RGS6: variants seen among roughly 807,000 people sequenced by gnomAD.
RGS6 encodes regulator of G-protein signaling 6.
In RGS6, 30 loss-of-function variants were observed where a neutral mutation model predicts 78.5. The observed-to-expected ratio is 0.38, with a 90% CI of 0.29 to 0.52. The LOEUF (loss-of-function observed/expected upper bound fraction) is 0.52, where lower values mean the gene tolerates loss of function less well. Ranked by LOEUF, RGS6 falls within the 20% of genes least tolerant of loss-of-function variation. RGS6 has a pLI of 0.85. For synonymous variants in RGS6, 206 were observed against 206.0 expected (o/e 1.00, Z 0.00); for missense variants, 495 against 609.7 (o/e 0.81, Z 1.98).
the RGS6 span, among the ~76,000 whole-genome samples, chr14:71,921,480 C>T: frequency 1.8e-3 from 268 of 152,320 alleles, no homozygotes; most frequent in Non-Finnish European, 3.4e-3. Context: ...ACATGTCTAC[C>T]GATGGATGAA....
At chr14:72,433,021 A>T (rs1490504219) in intron 3 of RGS6, among the ~76,000 whole-genome samples, 1 of 152,186 alleles carries the variant, frequency 6.6e-6, no homozygotes, top group Non-Finnish European at 1.5e-5. Flanking sequence ...ATAGGGTATA[A>T]GTGATTATTT....
At chr14:72,302,229 A>G (rs145349890) in intron 2 of RGS6, among the ~76,000 whole-genome samples, 2 of 152,352 alleles carry the variant, frequency 1.3e-5, no homozygotes, top group African/African-American at 4.8e-5. Context: ...AGCCGGCACT[A>G]TCACAAGAGT....
chr14:72,362,031 C>G (rs765881479), intron 3 of RGS6, among the ~76,000 whole-genome samples: 12 of 152,190 alleles, frequency 7.9e-5, no homozygotes, highest in Non-Finnish European at 1.3e-4. Context: ...TATGATTCAT[C>G]ATGAGTCCAA....
At chr14:72,318,645 T>C (rs1335783368) in intron 2 of RGS6, among the ~76,000 whole-genome samples, 1 of 152,132 alleles carries the variant, frequency 6.6e-6, no homozygotes, top group East Asian at 1.9e-4. Context: ...ATGATCAGGT[T>C]ATAGATTTTG....
chr14:72,368,524 G>A (rs1408457636), intron 3 of RGS6, among the ~76,000 whole-genome samples: 1 of 152,102 alleles, frequency 6.6e-6, no homozygotes, highest in Admixed American at 6.6e-5. Context: ...TTAATAACGT[G>A]CGATGATGGA....
chr14:71,981,850 C>G (rs1164344674), intron 2 of RGS6, among the ~76,000 whole-genome samples: 1 of 147,512 alleles, frequency 6.8e-6, no homozygotes, highest in Non-Finnish European at 1.5e-5. Context: ...TTTACCTAAG[C>G]AAGCCTGGGC....
At chr14:72,367,657 G>A (rs1405035604) in intron 3 of RGS6, among the ~76,000 whole-genome samples, 1 of 152,096 alleles carries the variant, frequency 6.6e-6, no homozygotes, top group Non-Finnish European at 1.5e-5. Flanking sequence ...ATTTTTTTAT[G>A]AATACATTTC....
chr14:72,126,950 A>G (rs959724759), intron 2 of RGS6, among the ~76,000 whole-genome samples: 12 of 152,116 alleles, frequency 7.9e-5, no homozygotes, highest in African/African-American at 2.9e-4. Context: ...AGCTGATCCC[A>G]TGGTGGGGAA....
At chr14:72,370,769 T>G (rs2083361690) in intron 3 of RGS6, among the ~76,000 whole-genome samples, 1 of 152,264 alleles carries the variant, frequency 6.6e-6, no homozygotes, top group Non-Finnish European at 1.5e-5. Flanking sequence ...TAATGTAAAC[T>G]GTTCCCACAG....
At chr14:71,968,196 C>A (rs2093627526) in intron 2 of RGS6, among the ~76,000 whole-genome samples, 1 of 152,048 alleles carries the variant, frequency 6.6e-6, no homozygotes, top group Non-Finnish European at 1.5e-5. Flanking sequence ...ATATTTGAAC[C>A]TAGCTATACA....
At chr14:72,147,877 A>G (rs750831332) in intron 2 of RGS6, among the ~76,000 whole-genome samples, 2 of 152,176 alleles carry the variant, frequency 1.3e-5, no homozygotes, top group African/African-American at 2.4e-5. Flanking sequence ...CATGCCTGTA[A>G]TCCCAGCACT....
In RGS6 at chr14:72,145,456, A is replaced by G. The variant is rs373024431; in HGVS notation, c.84+180581A>G. Among the ~76,000 whole-genome samples the G allele has an allele frequency of 5.3e-5, 8 of 152,236 alleles. No homozygotes were observed. The South Asian group carries it at 8.3e-4, about 16-fold the overall frequency. ...GAGTAGGTTAGGTCTGATTTCTTTC[A>G]CCATCATAATTTCCTCAGTTAAAAT... On this transcript the variant is annotated intron_variant, in intron 2 of 17. Transcript: ENST00000553525.
At chr14:72,152,812 C>T (rs2096713492) in intron 2 of RGS6, among the ~76,000 whole-genome samples, 1 of 152,144 alleles carries the variant, frequency 6.6e-6, no homozygotes, top group African/African-American at 2.4e-5. Flanking sequence ...GTTTAGCTAA[C>T]ATCTGGGTCC....
chr14:72,334,127 C>A (rs2075580131), intron 2 of RGS6, among the ~76,000 whole-genome samples: 1 of 152,240 alleles, frequency 6.6e-6, no homozygotes, highest in Admixed American at 6.5e-5. Context: ...CATATAATTG[C>A]TGTCCAGAAA....
At position 72,327,541 on chromosome 14, in the gene RGS6, G is replaced by C. The variant is rs149944606; in HGVS notation, c.85-24554G>C. On this transcript the variant is annotated intron_variant, in intron 2 of 17. Coordinates refer to ENST00000553525, the MANE Select transcript of RGS6 (RefSeq NM_001204424.2). ...TCTGGCTTCCTTAAGGCATAATTAAGTAAAAGAGAGAGCAGCGTACATCAC... is the reference window on the plus strand; with the variant it reads ...TCTGGCTTCCTTAAGGCATAATTAACTAAAAGAGAGAGCAGCGTACATCAC... 9.9e-4 allele frequency among the ~76,000 whole-genome samples: 151 copies of C among 152,326 alleles called. No individual in the cohort carries two copies. In the East Asian group the frequency reaches 0.019, roughly 19 times the overall value.
intron 2 of RGS6, among the ~76,000 whole-genome samples, chr14:71,968,638 C>G (rs1281814520): frequency 6.6e-6 from 1 of 152,262 alleles, no homozygotes; most frequent in East Asian, 1.9e-4. Context: ...GGGAGCCTGG[C>G]CACTCCAATC....
chr14:72,206,174 T>C (rs1402425761), intron 2 of RGS6, among the ~76,000 whole-genome samples: 1 of 152,174 alleles, frequency 6.6e-6, no homozygotes, highest in Admixed American at 6.5e-5. Context: ...ACAGTCAAAA[T>C]AATGAGCAGG....
chr14:72,097,952 C>T (rs967821254), intron 2 of RGS6, among the ~76,000 whole-genome samples: 3 of 152,142 alleles, frequency 2.0e-5, no homozygotes, highest in East Asian at 1.9e-4. Context: ...TCAACTATGT[C>T]GATGTCTGGG....
intron 2 of RGS6, among the ~76,000 whole-genome samples, chr14:72,206,811 A>G (rs570843214): frequency 7.2e-5 from 11 of 152,056 alleles, no homozygotes; most frequent in African/African-American, 2.7e-4. Context: ...GTTACAATTC[A>G]AGATGAGATT....
Sources: allele counts gnomAD v4.1 joint callset (sites outside exome capture counted in the v4.1 genomes callset), GRCh38; gene constraint gnomAD v4.1.1; transcripts MANE v1.5; gene names NCBI Gene and HGNC (gene_info 2026-07-23, HGNC 2026-07-21).